The following USP6NL variants were observed in gnomAD, a reference collection of about 807,000 sequenced individuals.
USP6NL encodes the protein USP6 N-terminal like.
In USP6NL, 26 loss-of-function variants were observed where a neutral mutation model predicts 61.9. The ratio of observed to expected loss-of-function variants is 0.42; its 90% confidence interval spans 0.31 to 0.58. USP6NL has a LOEUF of 0.58. Ranked by LOEUF, USP6NL falls within the 20% of genes least tolerant of loss-of-function variation. The probability of loss-of-function intolerance (pLI) is 0.16; values close to 1 mark genes in which losing one functional copy is unlikely to be tolerated. For missense variants in USP6NL, 1,114 were observed against 1,034.3 expected (o/e 1.08, Z -1.06); for synonymous variants, 432 against 390.1 (o/e 1.11, Z -1.27).
Position 11,463,105 on chromosome 10 carries a change from T to G in USP6NL, c.1823A>C (p.Gln608Pro). 6.2e-7 allele frequency: 1 copy of G among 1,614,034 alleles called. No individual in the cohort carries two copies. Among genetic ancestry groups the G allele is most frequent in the South Asian group, 1.1e-5 (1 of 91,088 alleles). The change falls in exon 15 of 15, where the codon CAG becomes CCG. Residue 608 changes from glutamine to proline, a missense_variant. Physicochemically the swap from Gln to Pro is moderately conservative, Grantham distance 76. Coordinates refer to ENST00000609104, the MANE Select transcript of USP6NL (RefSeq NM_014688.5). The surrounding 1 kb of genome is among the most constrained non-coding windows in gnomAD (Gnocchi z 6.3). ...CGGATATCGTGCATGACTTGGAGGC[T>G]GTACTTTAAAAGTAAACTTGTTGGA... ...KVSNKFTFKV[Q>P]PPSHARYPSQ...
Position 11,600,300 on chromosome 10 carries a change from G to C in USP6NL, c.-83-2583C>G, listed in dbSNP as rs1187291243. Reference sequence around the variant, plus strand: ...TAACTGGAGGCTTGAGGAGCACTGAGGCAGCCTGCCTTCCCTTGTGCTCCT... The same window carrying C: ...TAACTGGAGGCTTGAGGAGCACTGACGCAGCCTGCCTTCCCTTGTGCTCCT... On this transcript the variant is annotated intron_variant, in intron 1 of 14. Transcript: ENST00000609104. This position sits in a 1 kb window ranked among gnomAD's most constrained non-coding sequence, Gnocchi z 4.1. Among the ~76,000 whole-genome samples, 2 of 152,154 alleles carry C rather than the reference G, an allele frequency of 1.3e-5. No homozygotes were observed. The highest frequency in any genetic ancestry group is 2.9e-5 in the Non-Finnish European group (2 of 68,028).
At position 11,485,082 on chromosome 10, in the gene USP6NL, A is replaced by G; in HGVS notation, c.826-12T>C. On this transcript the variant is annotated splice_polypyrimidine_tract_variant and intron_variant, in intron 12 of 14. Coordinates refer to ENST00000609104, the MANE Select transcript of USP6NL (RefSeq NM_014688.5). The surrounding 1 kb of genome is among the most constrained non-coding windows in gnomAD (Gnocchi z 4.8). ...AGTGTAAAGGGAGTCTACAATTAAA[A>G]GCAAAACAAAACAAAAATAGGGTTA... 1.9e-6 allele frequency: 3 copies of G among 1,538,514 alleles called. No individual in the cohort carries two copies. Among genetic ancestry groups the G allele is most frequent in the South Asian group, 1.2e-5 (1 of 80,108 alleles).
Position 11,611,185 on chromosome 10 carries a change from C to T in USP6NL, c.-84+258G>A, listed in dbSNP as rs1237147909. The T allele has an allele frequency of 6.6e-6, 1 of 152,036 alleles. No homozygotes were observed. Among genetic ancestry groups the T allele is most frequent in the Non-Finnish European group, 1.5e-5 (1 of 68,000 alleles). The allele number at this position is 152,036 out of a possible 1,614,324, so 9.4% of individuals were successfully genotyped here. On this transcript the variant is annotated intron_variant, in intron 1 of 14. Transcript: ENST00000609104. This position sits in a 1 kb window ranked among gnomAD's most constrained non-coding sequence, Gnocchi z 5.3. ...TTCCACCCCCGGGCCTCCCCGCACC[C>T]CGCGCGGCGCCCCCAGCCCGCCCAT...
Position 11,518,039 on chromosome 10 carries a change from C to G in USP6NL, c.195+496G>C, listed in dbSNP as rs1566152144. On this transcript the variant is annotated intron_variant, in intron 5 of 14. Transcript: ENST00000609104. This position sits in a 1 kb window ranked among gnomAD's most constrained non-coding sequence, Gnocchi z 5.3. ...GACAAGTTTACTATGTAACACTTCT[C>G]TAAGTACTTAAAATACTAAAATACT... is the stretch of plus-strand genomic sequence containing the variant. 6.6e-6 allele frequency among the ~76,000 whole-genome samples: 1 copy of G among 152,204 alleles called. No homozygotes were observed. The highest frequency in any genetic ancestry group is 2.4e-5 in the African/African-American group (1 of 41,454).
Position 11,468,109 on chromosome 10 carries a change from C to T in USP6NL, c.1079-4260G>A, listed in dbSNP as rs980105159. Among the ~76,000 whole-genome samples, 1 of 152,198 alleles carries T rather than the reference C, an allele frequency of 6.6e-6. No individual in the cohort carries two copies. Among genetic ancestry groups the T allele is most frequent in the East Asian group, 1.9e-4 (1 of 5,208 alleles). ...TCATGATGAGTGATCACCTTCTTTG[C>T]TTTCTGAGTGATCAAAAATCCATTT... On this transcript the variant is annotated intron_variant, in intron 14 of 14. Transcript: ENST00000609104. The surrounding 1 kb of genome is among the most constrained non-coding windows in gnomAD (Gnocchi z 4.5).
intron 2 of USP6NL, among the ~76,000 whole-genome samples, chr10:11,545,601 T>A (rs1381095261): frequency 6.6e-6 from 1 of 152,234 alleles, no homozygotes; most frequent in Non-Finnish European, 1.5e-5. Context: ...TTATACTTTA[T>A]GCTTTTCAGA....
rs1297596240 is a variant in USP6NL at position 11,499,848 on chromosome 10, C to A, written c.384+1253G>T. On this transcript the variant is annotated intron_variant, in intron 7 of 14. Transcript: ENST00000609104. This position sits in a 1 kb window ranked among gnomAD's most constrained non-coding sequence, Gnocchi z 4.5. The stretch of plus-strand genomic sequence containing the variant: ...CCGCTTAGTTTGTGGTACTTGGTTA[C>A]AGCAGCCCTAAATGAATACAGCATG... Among the ~76,000 whole-genome samples, 1 of 152,210 alleles carries A rather than the reference C, an allele frequency of 6.6e-6. No homozygotes were observed. The highest frequency in any genetic ancestry group is 2.4e-5 in the African/African-American group (1 of 41,450).
intron 3 of USP6NL, among the ~76,000 whole-genome samples, chr10:11,526,803 T>A (rs1391897015): frequency 6.6e-6 from 1 of 152,190 alleles, no homozygotes; most frequent in Non-Finnish European, 1.5e-5. Context: ...TAAAGAGGTA[T>A]GTCAATTGTC....
Position 11,525,349 on chromosome 10 carries a change from T to C in USP6NL, c.155+37A>G, listed in dbSNP as rs370621237. The C allele has an allele frequency of 2.1e-5, 32 of 1,521,996 alleles. 2 individuals carry two copies. The Middle Eastern group carries it at 8.5e-4, about 40-fold the overall frequency. 94.3% of individuals were successfully genotyped at this position (1,521,996 alleles called of 1,614,324 possible). A position where few individuals can be genotyped will look rare whatever the true frequency, so the allele number is the denominator to read the frequency against. On this transcript the variant is annotated intron_variant, in intron 4 of 14. Transcript: ENST00000609104. The surrounding 1 kb of genome is among the most constrained non-coding windows in gnomAD (Gnocchi z 5.0). ...ATAATAGGTGACCACAGAAACGTTA[T>C]AATCTAAAAAGCAAGCTTTCAATCT...
At chr10:11,514,028 GC>G (rs1401459912) in intron 5 of USP6NL, among the ~76,000 whole-genome samples, 4 of 152,168 alleles carry the variant, frequency 2.6e-5, no homozygotes, top group Non-Finnish European at 5.9e-5. Context: ...TGCACACGAT[GC>G]CAAGCTGTAC....
intron 5 of USP6NL, among the ~76,000 whole-genome samples, chr10:11,512,229 T>C (rs1375062571): frequency 6.6e-6 from 1 of 152,134 alleles, no homozygotes; most frequent in African/African-American, 2.4e-5. Flanking sequence ...AGTCGACATA[T>C]CCGAAACTAT....
chr10:11,534,650 C>T (rs1835769724), intron 2 of USP6NL, among the ~76,000 whole-genome samples: 2 of 152,174 alleles, frequency 1.3e-5, no homozygotes, highest in South Asian at 4.1e-4. Flanking sequence ...GTCAGTCTGA[C>T]ATGACGTAAA....
intron 8 of USP6NL, among the ~76,000 whole-genome samples, chr10:11,492,399 A>C (rs766304204): frequency 1.1e-4 from 16 of 152,204 alleles, no homozygotes; most frequent in Non-Finnish European, 2.1e-4. Flanking sequence ...TAAGTAGGAG[A>C]GATTATCCTA....
rs746235953 is a variant in USP6NL, at chr10:11,602,273, T to A, written c.-83-4556A>T. On this transcript the variant is annotated intron_variant, in intron 1 of 14. Coordinates refer to ENST00000609104, the MANE Select transcript of USP6NL (RefSeq NM_014688.5). This position sits in a 1 kb window ranked among gnomAD's most constrained non-coding sequence, Gnocchi z 4.8. ...AAATGATGCCTCAACCAAGCTACATTTGTTTCCTCAAAGGCTATAACTCAA... is the reference window on the plus strand; with the variant it reads ...AAATGATGCCTCAACCAAGCTACATATGTTTCCTCAAAGGCTATAACTCAA... Among the ~76,000 whole-genome samples the A allele has an allele frequency of 6.6e-6, 1 of 152,180 alleles. No homozygotes were observed. Among genetic ancestry groups the A allele is most frequent in the Non-Finnish European group, 1.5e-5 (1 of 68,022 alleles).
At chr10:11,559,994 T>C (rs964200254) in intron 2 of USP6NL, among the ~76,000 whole-genome samples, 1 of 152,144 alleles carries the variant, frequency 6.6e-6, no homozygotes, top group Non-Finnish European at 1.5e-5. Flanking sequence ...TTAACAGAGG[T>C]CTTCTCTAAG....
chr10:11,463,651 TCGGGCGTCC>T lies in USP6NL; in HGVS notation c.1268_1276del (p.Gly423_Pro425del), dbSNP rs762825726. ...TTTCCGTCTTGGCGGCTGTGCTCTC[TCGGGCGTCC>T]CGGTCCTGCTCTGGGGGTGCGGGGA... On this transcript the variant is annotated inframe_deletion, in exon 15 of 15. Coordinates refer to ENST00000609104, the MANE Select transcript of USP6NL (RefSeq NM_014688.5). The surrounding 1 kb of genome is among the most constrained non-coding windows in gnomAD (Gnocchi z 6.3). The T allele has an allele frequency of 6.2e-7, 1 of 1,613,988 alleles. No homozygotes were observed. Among genetic ancestry groups the T allele is most frequent in the South Asian group, 1.1e-5 (1 of 91,082 alleles).
In USP6NL at chr10:11,470,545, T is replaced by G. The variant is rs1021530879; in HGVS notation, c.1079-6696A>C. On this transcript the variant is annotated intron_variant, in intron 14 of 14. Coordinates refer to ENST00000609104, the MANE Select transcript of USP6NL (RefSeq NM_014688.5). The surrounding 1 kb of genome is among the most constrained non-coding windows in gnomAD (Gnocchi z 5.4). ...ATATGCCAATTAGTATTCTCTACCC[T>G]TCTTCACAGAAGTAGGTCCAAATAA... 3.9e-5 allele frequency among the ~76,000 whole-genome samples: 6 copies of G among 152,220 alleles called. No individual in the cohort carries two copies. Among genetic ancestry groups the G allele is most frequent in the African/African-American group, 1.4e-4 (6 of 41,452 alleles).
intron 14 of USP6NL, among the ~76,000 whole-genome samples, chr10:11,479,845 G>A (rs1367996717): frequency 6.6e-6 from 1 of 152,154 alleles, no homozygotes; most frequent in African/African-American, 2.4e-5. Flanking sequence ...GAAGTGCTGG[G>A]ATTACAGGGG....
rs1459652358 is a variant in USP6NL at position 11,596,580 on chromosome 10, T to C, written c.4+1051A>G. Reference sequence around the variant, plus strand: ...TGGAGCTTGCAGTGAGCGGAGATGGTGCCACTGCACTGCAGCCTGGGCGAC... The same window carrying C: ...TGGAGCTTGCAGTGAGCGGAGATGGCGCCACTGCACTGCAGCCTGGGCGAC... On this transcript the variant is annotated intron_variant, in intron 2 of 14. Transcript: ENST00000609104. The surrounding 1 kb of genome is among the most constrained non-coding windows in gnomAD (Gnocchi z 4.1). Among the ~76,000 whole-genome samples, 1 of 149,312 alleles carries C rather than the reference T, an allele frequency of 6.7e-6. No individual in the cohort carries two copies. Among genetic ancestry groups the C allele is most frequent in the African/African-American group, 2.5e-5 (1 of 40,290 alleles).
Sources: gnomAD v4.1 joint callset for allele counts (sites outside exome capture counted in the v4.1 genomes callset) on GRCh38, gnomAD v4.1.1 for gene constraint, Gnocchi (gnomAD v3.1) non-coding constraint, MANE v1.5 for transcripts, NCBI Gene and HGNC (gene_info 2026-07-23, HGNC 2026-07-21) for gene names.